ANKHD1: variants seen among roughly 807,000 people sequenced by gnomAD.
The protein encoded by ANKHD1 is ankyrin repeat and KH domain-containing protein 1.
Under a neutral mutation model 230.5 loss-of-function variants are expected in ANKHD1, and 31 were observed. The ratio of observed to expected loss-of-function variants is 0.13; its 90% CI spans 0.10 to 0.18. ANKHD1 has a LOEUF of 0.18. Ranked by LOEUF, ANKHD1 falls within the 10% of genes least tolerant of loss-of-function variation. ANKHD1 has a pLI of 1.00. For missense variants in ANKHD1, 2,256 were observed against 3,071.3 expected (o/e 0.73, Z 6.27); for synonymous variants, 1,074 against 1,117.6 (o/e 0.96, Z 0.78).
chr5:140,419,120 A>G (rs913193239), intron 1 of ANKHD1, among the ~76,000 whole-genome samples: 23 of 149,540 alleles, frequency 1.5e-4, no homozygotes, highest in African/African-American at 5.2e-4. Context: ...AACATTTGTT[A>G]TTTTTCTTTC....
Position 140,535,515 on chromosome 5 carries a change from C to T in ANKHD1, c.7004C>T (p.Pro2335Leu). Residue 2335 changes from proline (P) to leucine (L), a missense_variant, in exon 30 of 34, where the codon CCT becomes CTT. Pro to Leu is a moderately conservative substitution (Grantham distance 98). Coordinates refer to ENST00000360839, the MANE Select transcript of ANKHD1 (RefSeq NM_017747.3). ...AACAGACAACATTTTTCTCCCCATC[C>T]TTGGACAAGCGCCTCAAACTCATGT... ...SFNRQHFSPH[P>L]WTSASNSSTS... 1.2e-6 allele frequency: 2 copies of T among 1,609,424 alleles called. No homozygotes were observed. The highest frequency in any genetic ancestry group is 1.1e-5 in the South Asian group (1 of 90,184).
At chr5:140,431,228 A>G (rs1052073046) in intron 1 of ANKHD1, among the ~76,000 whole-genome samples, 1 of 152,186 alleles carries the variant, frequency 6.6e-6, no homozygotes, top group Non-Finnish European at 1.5e-5. Context: ...ATTTATCTGT[A>G]TGGTTTTGTA....
chr5:140,479,743 TAC>T (rs1423956795), intron 10 of ANKHD1, among the ~76,000 whole-genome samples: 2 of 136,564 alleles, frequency 1.5e-5, no homozygotes, highest in East Asian at 2.2e-4. Flanking sequence ...TATATATATA[TAC>T]TTATATATAT....
At chr5:140,514,473 GAC>G (rs1172753148) in intron 24 of ANKHD1, among the ~76,000 whole-genome samples, 1 of 152,168 alleles carries the variant, frequency 6.6e-6, no homozygotes, top group African/African-American at 2.4e-5. Context: ...TAGCCTGGGT[GAC>G]AGAGTGAGAC....
At chr5:140,415,238 C>A (rs1233923813) in intron 1 of ANKHD1, among the ~76,000 whole-genome samples, 1 of 151,650 alleles carries the variant, frequency 6.6e-6, no homozygotes, top group Non-Finnish European at 1.5e-5. Flanking sequence ...CAAAAATTAG[C>A]CGGGCATGGT....
intron 1 of ANKHD1, among the ~76,000 whole-genome samples, chr5:140,425,841 G>A (rs938603481): frequency 2.0e-5 from 3 of 152,228 alleles, no homozygotes; most frequent in Admixed American, 2.0e-4. Context: ...GAATTTTGGA[G>A]TACTGTGTGT....
intron 20 of ANKHD1, among the ~76,000 whole-genome samples, chr5:140,509,325 T>C (rs1477671447): frequency 6.6e-6 from 1 of 152,238 alleles, no homozygotes; most frequent in South Asian, 2.1e-4. Context: ...ATTTTTAATA[T>C]CTCTATTCAT....
chr5:140,491,765 T>A (rs1751818731), intron 14 of ANKHD1, among the ~76,000 whole-genome samples: 1 of 152,172 alleles, frequency 6.6e-6, no homozygotes, highest in Admixed American at 6.6e-5. Flanking sequence ...ATCTCCCCAC[T>A]TAGACTGTAA....
rs1751535062 is a variant in ANKHD1 at position 140,487,055 on chromosome 5, A to G, written c.2240A>G (p.Gln747Arg). 1 of 1,607,826 alleles carries G rather than the reference A, an allele frequency of 6.2e-7. No individual in the cohort carries two copies. Among genetic ancestry groups the G allele is most frequent in the African/African-American group, 1.3e-5 (1 of 74,522 alleles). The change falls in exon 14 of 34, where the codon CAA (glutamine) becomes CGA (arginine). Residue 747 changes from glutamine to arginine, a missense_variant. Around this residue, in one of 13 missense-constraint regions of ANKHD1, gnomAD observed 358 missense variants for 397.7 expected, o/e 0.90. Transcript: ENST00000360839. ...QENSPALLGV[Q>R]KGTSKQKSSS... ...AACTCTCCTGCCCTTTTAGGAGTGCAAAAAGGTTAGTTATTGAATTATTTT... is the reference window on the plus strand; with the variant it reads ...AACTCTCCTGCCCTTTTAGGAGTGCGAAAAGGTTAGTTATTGAATTATTTT...
chr5:140,496,442 T>TC, intron 14 of ANKHD1, 78 bp from the exon 15 acceptor site: 6 of 1,131,906 alleles, frequency 5.3e-6, no homozygotes, highest in Middle Eastern at 6.1e-4. Context: ...AGGCTGGTTT[T>TC]CTTTTTTTTT....
rs748744680 is a variant in ANKHD1, at chr5:140,527,001, A to G, written c.5014A>G (p.Asn1672Asp). The change falls in exon 27 of 34, where the codon AAC becomes GAC. Residue 1672 changes from asparagine to aspartate, a missense_variant. Transcript: ENST00000360839. The surrounding 1 kb of genome is among the most constrained non-coding windows in gnomAD (Gnocchi z 4.5). ...AGTGTCATTGCCATTAAGCTCTCCAAACATAAAGCTGAATCTCACTAGCCC... is the reference window on the plus strand; with the variant it reads ...AGTGTCATTGCCATTAAGCTCTCCAGACATAAAGCTGAATCTCACTAGCCC... ...KTVSLPLSSP[N>D]IKLNLTSPKR... is the part of the protein sequence containing the mutation. 1.6e-5 allele frequency: 26 copies of G among 1,613,748 alleles called. No homozygotes were observed. The Middle Eastern group carries it at 4.9e-4, about 31-fold the overall frequency.
intron 1 of ANKHD1, among the ~76,000 whole-genome samples, chr5:140,418,144 C>CT (rs147753786): frequency 0.014 from 1,732 of 126,412 alleles, 22 homozygotes; most frequent in African/African-American, 0.027. Flanking sequence ...GTCCAGCCTT[C>CT]TTTTTTTTTT....
chr5:140,410,547 T>A (rs1268623202), intron 1 of ANKHD1, among the ~76,000 whole-genome samples: 2 of 148,396 alleles, frequency 1.3e-5, no homozygotes, highest in Admixed American at 6.7e-5. Context: ...GTTTACCAAA[T>A]TTTTTTTTTT....
intron 9 of ANKHD1, 110 bp downstream of exon 9, chr5:140,459,465 C>CA (rs1775544879): frequency 7.5e-7 from 1 of 1,332,194 alleles, no homozygotes; most frequent in Non-Finnish European, 9.8e-7. Context: ...TGGTGGTTAC[C>CA]AGAGTGTGGG....
At chr5:140,539,223 C>A in intron 33 of ANKHD1, 136 bp from the exon 34 acceptor site, 2 of 1,530,286 alleles carry the variant, frequency 1.3e-6, no homozygotes. Flanking sequence ...CAAGATGATG[C>A]TACTGAACAC....
At chr5:140,459,477 A>G in intron 9 of ANKHD1, 122 bp downstream of exon 9, 2 of 1,270,268 alleles carry the variant, frequency 1.6e-6, no homozygotes, top group Non-Finnish European at 1.0e-6. Flanking sequence ...GAGTGTGGGC[A>G]TGAGGGTGGG....
chr5:140,430,624 T>G lies in ANKHD1; in HGVS notation c.307-5480T>G, dbSNP rs555128010. ...TACAGAATTTGTCATATTTAACATA[T>G]CTCCACGTAGCTATAAATGGTTTCC... On this transcript the variant is annotated intron_variant, in intron 1 of 33. Coordinates refer to ENST00000360839, the MANE Select transcript of ANKHD1 (RefSeq NM_017747.3). Among the ~76,000 whole-genome samples the G allele has an allele frequency of 3.3e-5, 5 of 151,616 alleles. No homozygotes were observed. The East Asian group carries it at 9.7e-4, about 29-fold the overall frequency.
chr5:140,452,093 G>A (rs183090121), intron 7 of ANKHD1, among the ~76,000 whole-genome samples: 18 of 152,248 alleles, frequency 1.2e-4, no homozygotes, highest in African/African-American at 4.3e-4. Context: ...TGGCTCAAAG[G>A]GTCCCACACC....
chr5:140,437,752 C>T (rs1581245408), intron 2 of ANKHD1, among the ~76,000 whole-genome samples: 1 of 152,080 alleles, frequency 6.6e-6, no homozygotes, highest in African/African-American at 2.4e-5. Context: ...TTAAATTAGT[C>T]CCTCAAGTTT....
Sources: allele counts gnomAD v4.1 joint callset (sites outside exome capture counted in the v4.1 genomes callset), GRCh38; gene constraint gnomAD v4.1.1; regional missense constraint gnomAD v4.1.1; non-coding constraint Gnocchi (gnomAD v3.1); transcripts MANE v1.5; gene names NCBI Gene and HGNC (gene_info 2026-07-23, HGNC 2026-07-21).